Variants in KNTC1 observed in about 807,000 individuals in gnomAD.
KNTC1 encodes the protein kinetochore associated 1, also known as kinetochore-associated protein 1.
A neutral mutation model predicts 314.4 loss-of-function variants in KNTC1; 253 were observed. That is an observed-to-expected ratio of 0.80 (90% confidence interval 0.73 to 0.89). The LOEUF (loss-of-function observed/expected upper bound fraction) is 0.89, where lower values mean the gene tolerates loss of function less well. KNTC1 is among the 40% of genes least tolerant of loss of function. The pLI is 0.00. For missense variants in KNTC1, 2,475 were observed against 2,572.9 expected, an observed-to-expected ratio of 0.96 and a Z score of 0.82; for synonymous variants, 901 against 901.4, an observed-to-expected ratio of 1.00 and a Z score of 0.01.
At chr12:122,534,853 G>A in intron 3 of KNTC1, 69 bp downstream of exon 3, 3 of 1,445,318 alleles carry the variant, frequency 2.1e-6, no homozygotes, top group Non-Finnish European at 2.9e-6. Flanking sequence ...AATTTCTGCT[G>A]GATTGCCTCC....
rs1235654340 is a variant in KNTC1 at position 122,561,987 on chromosome 12, G to A, written c.1542+13G>A. On this transcript the variant is annotated intron_variant, in intron 19 of 63. Coordinates refer to ENST00000333479, the MANE Select transcript of KNTC1 (RefSeq NM_014708.6). ...TGGCTTGAAAGAGGTAATTACACTA[G>A]ATTTCTAGGTTAATATGTGGGTGAA... 2 of 1,593,458 alleles carry A rather than the reference G, an allele frequency of 1.3e-6. No individual in the cohort carries two copies. Among genetic ancestry groups the A allele is most frequent in the Non-Finnish European group, 8.6e-7 (1 of 1,166,722 alleles).
rs1468433770 is a variant in KNTC1, at chr12:122,618,486, T to C, written c.6090T>C (p.Ser2030=). ...RVIQIPLLSA[S]CPLSPDQLSD... is the part of the protein sequence containing the mutation. ...GTTTTTTTGTTTTGTTTTCAGCCTC[T>C]TGTCCTTTAAGTCCTGATCAGCTGT... Residue 2030 remains serine, a synonymous_variant, in exon 59 of 64, where the codon TCT becomes TCC. Coordinates refer to ENST00000333479, the MANE Select transcript of KNTC1 (RefSeq NM_014708.6). 6.2e-7 allele frequency: 1 copy of C among 1,612,192 alleles called. No individual in the cohort carries two copies. The highest frequency in any genetic ancestry group is 8.5e-7 in the Non-Finnish European group (1 of 1,179,066).
rs773068923 is a variant in KNTC1 at position 122,605,453 on chromosome 12, A to G, written c.5496+38A>G. On this transcript the variant is annotated intron_variant, in intron 51 of 63. Coordinates refer to ENST00000333479, the MANE Select transcript of KNTC1 (RefSeq NM_014708.6). ...TGCCCAAGAGTATCTGTAGTTGAGTATGCACTGATGGCTTCTTCTCAAAGG... is the reference window on the plus strand; with the variant it reads ...TGCCCAAGAGTATCTGTAGTTGAGTGTGCACTGATGGCTTCTTCTCAAAGG... The G allele has an allele frequency of 5.1e-6, 5 of 978,894 alleles. No homozygotes were observed. In the Admixed American group the frequency reaches 8.9e-5, roughly 17 times the overall value. The allele number at this position is 978,894 out of a possible 1,614,324, so 60.6% of individuals were successfully genotyped here. A position where few individuals can be genotyped will look rare whatever the true frequency, so the allele number is the denominator to read the frequency against.
At chr12:122,550,187 T>TTTTCATATTTATGTAAC (rs1372832073) in intron 13 of KNTC1, among the ~76,000 whole-genome samples, 42 of 152,284 alleles carry the variant, frequency 2.8e-4, no homozygotes, top group African/African-American at 8.9e-4. Context: ...ATGTAACTAA[T>TTTTCATATTTATGTAAC]TTACATATTT....
intron 38 of KNTC1, among the ~76,000 whole-genome samples, chr12:122,587,064 G>A (rs184319946): frequency 8.6e-4 from 131 of 152,276 alleles, no homozygotes; most frequent in African/African-American, 2.9e-3. Flanking sequence ...TGATCCACCC[G>A]CCTCAGCCTC....
chr12:122,613,286 G>T, intron 54 of KNTC1, 56 bp downstream of exon 54: 1 of 1,194,330 alleles, frequency 8.4e-7, no homozygotes, highest in South Asian at 1.3e-5. Context: ...ATTTTTTGGA[G>T]CTGTACCTTT....
intron 20 of KNTC1, among the ~76,000 whole-genome samples, chr12:122,567,071 A>T (rs1015355568): frequency 6.6e-6 from 1 of 150,998 alleles, no homozygotes; most frequent in African/African-American, 2.4e-5. Flanking sequence ...GCTAGTGATT[A>T]AAAAAAACTT....
chr12:122,569,026 G>A (rs1456626107), intron 21 of KNTC1, among the ~76,000 whole-genome samples: 1 of 152,092 alleles, frequency 6.6e-6, no homozygotes, highest in Admixed American at 6.5e-5. Flanking sequence ...CCTTTCAGAA[G>A]GTGGAGGGTG....
chr12:122,532,322 C>T (rs1011825621), intron 2 of KNTC1, among the ~76,000 whole-genome samples: 4 of 150,648 alleles, frequency 2.7e-5, no homozygotes, highest in Non-Finnish European at 4.4e-5. Flanking sequence ...GATTCTTCTG[C>T]CTCACCCTCC....
intron 53 of KNTC1, 183 bp from the exon 54 acceptor site, chr12:122,612,929 C>T (rs768309588): frequency 4.3e-5 from 24 of 554,868 alleles, no homozygotes; most frequent in Non-Finnish European, 7.3e-5. Context: ...CTCAGGAATG[C>T]CCCTTCAGGG....
chr12:122,542,193 A>G (rs1001376994), intron 6 of KNTC1, 66 bp downstream of exon 6: 4 of 1,141,926 alleles, frequency 3.5e-6, no homozygotes, highest in East Asian at 2.8e-5. Context: ...TTAATGTAAT[A>G]GTAAAATTTT....
chr12:122,617,663 A>T (rs1004120337), intron 57 of KNTC1, among the ~76,000 whole-genome samples: 1 of 152,220 alleles, frequency 6.6e-6, no homozygotes, highest in African/African-American at 2.4e-5. Flanking sequence ...TGGAATAATG[A>T]ATCAGCAAGG....
At chr12:122,585,928 G>A (rs576480261) in intron 37 of KNTC1, among the ~76,000 whole-genome samples, 154 bp downstream of exon 37, 26 of 152,326 alleles carry the variant, frequency 1.7e-4, no homozygotes, top group African/African-American at 6.3e-4. Context: ...AATAAATACT[G>A]TGTGATTTCA....
intron 45 of KNTC1, 32 bp downstream of exon 45, chr12:122,601,657 A>T: frequency 6.9e-7 from 1 of 1,444,144 alleles, no homozygotes; most frequent in South Asian, 1.5e-5. Context: ...TGTAAAAATC[A>T]TCTTTCTGCT....
At chr12:122,617,851 G>A (rs972839869) in intron 57 of KNTC1, among the ~76,000 whole-genome samples, 2 of 152,140 alleles carry the variant, frequency 1.3e-5, no homozygotes, top group Non-Finnish European at 2.9e-5. Context: ...TCAGCGCATA[G>A]CGATTTATCT....
rs71085821 is a variant in KNTC1 at position 122,554,064 on chromosome 12, T to TAAA, written c.1272+2379_1272+2381dup. Among the ~76,000 whole-genome samples, 892 of 122,490 alleles carry TAAA rather than the reference T, an allele frequency of 7.3e-3. 17 individuals are homozygous for TAAA. Among genetic ancestry groups the TAAA allele is most frequent in the East Asian group, 0.066 (282 of 4,254 alleles). 80.4% of individuals were successfully genotyped at this position (122,490 alleles called of 152,430 possible). A position where few individuals can be genotyped will look rare whatever the true frequency, so the allele number is the denominator to read the frequency against. ...GTTTTAAACATACAGAATACTTCCTTAAAAAAAAAAAAATATATATATATA... is the reference window on the plus strand; with the variant it reads ...GTTTTAAACATACAGAATACTTCCTTAAAAAAAAAAAAAAAATATATATATATA... On this transcript the variant is annotated intron_variant, in intron 16 of 63. Transcript: ENST00000333479.
chr12:122,602,307 A>C (rs1872029546), intron 45 of KNTC1: 2 of 286,294 alleles, frequency 7.0e-6, no homozygotes, highest in East Asian at 1.3e-4. Flanking sequence ...AGAGCAGATA[A>C]CTGTCAAGCT....
intron 51 of KNTC1, among the ~76,000 whole-genome samples, chr12:122,608,162 A>G (rs1267125759): frequency 6.6e-6 from 1 of 152,146 alleles, no homozygotes; most frequent in Non-Finnish European, 1.5e-5. Flanking sequence ...CCCAGGCTAG[A>G]GCAGTGGCAT....
intron 48 of KNTC1, 22 bp from the exon 49 acceptor site, chr12:122,604,542 T>G: frequency 8.6e-7 from 1 of 1,160,138 alleles, no homozygotes; most frequent in Non-Finnish European, 1.2e-6. Context: ...TCTTTATTTA[T>G]TTATTTATTT....
Sources: allele counts gnomAD v4.1 joint callset (sites outside exome capture counted in the v4.1 genomes callset), GRCh38; gene constraint gnomAD v4.1.1; transcripts MANE v1.5; gene names NCBI Gene and HGNC (gene_info 2026-07-23, HGNC 2026-07-21).